The following ZNF385D variants were observed in gnomAD, a reference collection of about 807,000 sequenced individuals.
ZNF385D encodes the protein zinc finger protein 385D.
In ZNF385D, 15 loss-of-function variants were observed where a neutral mutation model predicts 35.8. That is an observed-to-expected ratio of 0.42 (90% CI 0.28 to 0.64). ZNF385D has a LOEUF of 0.64. Among genes scored for constraint, ZNF385D ranks in the 30% least tolerant of loss-of-function variants. The pLI, the probability that ZNF385D is intolerant of heterozygous loss-of-function variation, is 0.23. For missense variants in ZNF385D, 474 were observed against 494.6 expected, an observed-to-expected ratio of 0.96 and a Z score of 0.39; for synonymous variants, 212 against 186.8, an observed-to-expected ratio of 1.13 and a Z score of -1.10.
Position 21,731,614 on chromosome 3 carries a change from T to C in ZNF385D, c.22+19281A>G, listed in dbSNP as rs564698373. On this transcript the variant is annotated intron_variant, in intron 1 of 7. Coordinates refer to ENST00000281523, the MANE Select transcript of ZNF385D (RefSeq NM_024697.3). ...TGTCATATCCCTCATTACAGTAACA[T>C]ACAGAATAGTTTCATTGTGCTAAAA... Among the ~76,000 whole-genome samples, 4 of 152,350 alleles carry C rather than the reference T, an allele frequency of 2.6e-5. No homozygotes were observed. In the East Asian group the frequency reaches 7.7e-4, roughly 29 times the overall value.
intron 3 of ZNF385D, among the ~76,000 whole-genome samples, chr3:21,798,706 A>C (rs1438616825): frequency 6.6e-6 from 1 of 152,196 alleles, no homozygotes; most frequent in Admixed American, 6.5e-5. Context: ...CAGGTATCCC[A>C]GCCACTCAAA....
At chr3:22,272,044 T>C (rs1701204705) in intron 2 of ZNF385D, among the ~76,000 whole-genome samples, 1 of 152,014 alleles carries the variant, frequency 6.6e-6, no homozygotes, top group Admixed American at 6.6e-5. Flanking sequence ...TTTTGGATAA[T>C]GTGTTTTGTG....
chr3:22,058,066 C>T (rs1043703667), intron 3 of ZNF385D, among the ~76,000 whole-genome samples: 3 of 152,180 alleles, frequency 2.0e-5, no homozygotes, highest in African/African-American at 4.8e-5. Context: ...TGGCTATACA[C>T]ACCCTTCTAG....
intron 3 of ZNF385D, among the ~76,000 whole-genome samples, chr3:22,097,053 G>C (rs1181702969): frequency 1.3e-5 from 2 of 152,098 alleles, no homozygotes; most frequent in African/African-American, 4.8e-5. Flanking sequence ...CTAGGAGAAA[G>C]TGACTGCATT....
chr3:21,782,996 C>T (rs907231471), intron 3 of ZNF385D, among the ~76,000 whole-genome samples: 36 of 152,092 alleles, frequency 2.4e-4, no homozygotes, highest in African/African-American at 8.4e-4. Flanking sequence ...AGTCACACCT[C>T]GATTGCAATT....
chr3:22,342,090 A>G (rs1695447825), intron 2 of ZNF385D, among the ~76,000 whole-genome samples: 2 of 151,968 alleles, frequency 1.3e-5, no homozygotes, highest in Admixed American at 1.3e-4. Context: ...CCTGGCTAAC[A>G]CGGTGAAACC....
chr3:21,852,393 A>G (rs938505002), intron 3 of ZNF385D, among the ~76,000 whole-genome samples: 18 of 151,880 alleles, frequency 1.2e-4, no homozygotes, highest in Non-Finnish European at 1.5e-4. Flanking sequence ...TCTTAGTCAT[A>G]AAAGAGGCTC....
intron 3 of ZNF385D, among the ~76,000 whole-genome samples, chr3:21,884,429 G>C (rs1311581150): frequency 6.6e-6 from 1 of 151,978 alleles, no homozygotes; most frequent in Non-Finnish European, 1.5e-5. Context: ...GAATAGTTGT[G>C]TGGCCTCAAC....
intron 3 of ZNF385D, among the ~76,000 whole-genome samples, chr3:22,144,362 T>C (rs192946462): frequency 6.6e-6 from 1 of 152,122 alleles, no homozygotes; most frequent in East Asian, 1.9e-4. Flanking sequence ...TCACTTGAGG[T>C]CAGGAGTTTG....
chr3:21,745,602 A>G (rs2069730714), intron 1 of ZNF385D, among the ~76,000 whole-genome samples: 1 of 152,194 alleles, frequency 6.6e-6, no homozygotes, highest in South Asian at 2.1e-4. Context: ...AATGCCACCA[A>G]TCATGTGTGA....
At chr3:21,736,061 G>C (rs570357395) in intron 1 of ZNF385D, among the ~76,000 whole-genome samples, 1 of 152,284 alleles carries the variant, frequency 6.6e-6, no homozygotes, top group Admixed American at 6.5e-5. Context: ...TGAATCCTTT[G>C]CATGACATTT....
At chr3:21,907,475 G>T (rs1699739621) in intron 3 of ZNF385D, among the ~76,000 whole-genome samples, 1 of 152,036 alleles carries the variant, frequency 6.6e-6, no homozygotes, top group African/African-American at 2.4e-5. Flanking sequence ...CTGTGCACAT[G>T]ACCAATGCTT....
At chr3:21,785,271 T>C (rs557467866) in intron 3 of ZNF385D, among the ~76,000 whole-genome samples, 4 of 152,316 alleles carry the variant, frequency 2.6e-5, no homozygotes, top group South Asian at 2.1e-4. Context: ...AAATTATATA[T>C]ATATATGGTT....
intron 3 of ZNF385D, among the ~76,000 whole-genome samples, chr3:21,897,379 C>A (rs894906164): frequency 2.5e-4 from 38 of 152,112 alleles, no homozygotes; most frequent in African/African-American, 8.2e-4. Flanking sequence ...ATCCAATGTG[C>A]TTCTTCTGAG....
intron 3 of ZNF385D, among the ~76,000 whole-genome samples, chr3:22,063,588 C>T (rs1200549322): frequency 6.6e-6 from 1 of 152,120 alleles, no homozygotes; most frequent in Non-Finnish European, 1.5e-5. Flanking sequence ...AAAAATAACC[C>T]TAATGATATG....
At chr3:21,490,751 C>T (rs11707385) in intron 4 of ZNF385D, among the ~76,000 whole-genome samples, 79,710 of 148,842 alleles carry the variant, frequency 0.54, 21,620 homozygotes, top group South Asian at 0.65. Context: ...GAAAGGCCAG[C>T]ACTTGGGTTT....
chr3:21,532,085 G>A (rs2061938022), intron 3 of ZNF385D, among the ~76,000 whole-genome samples: 1 of 151,970 alleles, frequency 6.6e-6, no homozygotes, highest in Admixed American at 6.6e-5. Flanking sequence ...AAGAGAGAGA[G>A]AGAGAGCAAG....
chr3:21,486,835 T>C (rs1056481004), intron 4 of ZNF385D, among the ~76,000 whole-genome samples: 11 of 152,142 alleles, frequency 7.2e-5, no homozygotes, highest in Non-Finnish European at 1.3e-4. Context: ...ATTTGTTCAT[T>C]GATTCACTCA....
chr3:21,949,684 C>T (rs989889731), intron 3 of ZNF385D, among the ~76,000 whole-genome samples: 2 of 151,276 alleles, frequency 1.3e-5, no homozygotes, highest in Non-Finnish European at 2.9e-5. Flanking sequence ...TTAGGTATTT[C>T]TCCTAATGCT....
Sources: allele counts gnomAD v4.1 joint callset (sites outside exome capture counted in the v4.1 genomes callset), GRCh38; gene constraint gnomAD v4.1.1; transcripts MANE v1.5; gene names NCBI Gene and HGNC (gene_info 2026-07-23, HGNC 2026-07-21).